The following SRRM4 variants were observed in gnomAD, a reference collection of about 807,000 sequenced individuals.
SRRM4 encodes serine/arginine repetitive matrix 4, also known as serine/arginine repetitive matrix protein 4.
SRRM4 carries 33 observed loss-of-function variants against 68.9 expected under a neutral mutation model. That is an observed-to-expected ratio of 0.48 (90% CI 0.36 to 0.64). SRRM4 has a LOEUF of 0.64. SRRM4 is among the 30% of genes least tolerant of loss of function. The pLI is 0.00. For synonymous variants in SRRM4, 318 were observed against 318.8 expected, an observed-to-expected ratio of 1.00 and a Z score of 0.03; for missense variants, 817 against 827.1, an observed-to-expected ratio of 0.99 and a Z score of 0.15.
chr12:118,988,102 A>G (rs1953293740), intron 1 of SRRM4, among the ~76,000 whole-genome samples: 1 of 151,706 alleles, frequency 6.6e-6, no homozygotes, highest in Admixed American at 6.6e-5. Context: ...ATGATAATGT[A>G]GGGAGAAATA....
At chr12:119,005,155 C>A (rs1403984001) in intron 1 of SRRM4, among the ~76,000 whole-genome samples, 1 of 152,208 alleles carries the variant, frequency 6.6e-6, no homozygotes, top group Admixed American at 6.5e-5. Flanking sequence ...CAGGAACAGA[C>A]TGCTTCTGGA....
chr12:119,139,949 C>T (rs1451367182), intron 8 of SRRM4, among the ~76,000 whole-genome samples: 1 of 152,040 alleles, frequency 6.6e-6, no homozygotes, highest in East Asian at 1.9e-4. Flanking sequence ...GTGATGTTTC[C>T]ATACAGGCAT....
At chr12:119,069,987 GCGGGGAGGTGTTAGGGGC>G (rs1953867823) in intron 1 of SRRM4, among the ~76,000 whole-genome samples, 1 of 152,260 alleles carries the variant, frequency 6.6e-6, no homozygotes, top group Admixed American at 6.5e-5. Context: ...GTTGTGAATT[GCGGGGAGGTGTTAGGGGC>G]CGGGGGCACT....
intron 1 of SRRM4, among the ~76,000 whole-genome samples, chr12:119,033,659 T>C (rs1018254784): frequency 8.4e-5 from 10 of 118,930 alleles, no homozygotes; most frequent in Non-Finnish European, 1.9e-5. Flanking sequence ...TGAGACTCCA[T>C]CTCAAAAAAA....
At chr12:118,982,111 G>A in intron 1 of SRRM4, 98 bp downstream of exon 1, 1 of 1,444,222 alleles carries the variant, frequency 6.9e-7, no homozygotes, top group South Asian at 1.4e-5. Flanking sequence ...CCGGGCCAGG[G>A]CGCCTGTCTT....
At chr12:119,129,315 A>C (rs558573972) in intron 7 of SRRM4, among the ~76,000 whole-genome samples, 25 of 152,346 alleles carry the variant, frequency 1.6e-4, no homozygotes, top group African/African-American at 6.0e-4. Flanking sequence ...AGATATGCAG[A>C]GTCTAAGCAT....
intron 5 of SRRM4, 60 bp downstream of exon 5, chr12:119,120,336 C>T: frequency 6.5e-7 from 1 of 1,542,102 alleles, no homozygotes; most frequent in Non-Finnish European, 8.8e-7. Flanking sequence ...CAGCTTGGGG[C>T]AGCTTCTAGG....
intron 9 of SRRM4, among the ~76,000 whole-genome samples, chr12:119,150,802 T>C (rs1296303463): frequency 5.9e-5 from 9 of 152,176 alleles, no homozygotes; most frequent in Admixed American, 5.9e-4. Flanking sequence ...CTTGAGGAAA[T>C]GCTAACCTGA....
chr12:119,155,053 C>T (rs2136070697), intron 12 of SRRM4, among the ~76,000 whole-genome samples: 1 of 152,310 alleles, frequency 6.6e-6, no homozygotes, highest in South Asian at 2.1e-4. Flanking sequence ...GAAGAAATAA[C>T]TCCCAGAAGC....
intron 1 of SRRM4, among the ~76,000 whole-genome samples, chr12:119,073,526 T>C (rs1421114153): frequency 1.3e-5 from 2 of 152,244 alleles, no homozygotes; most frequent in East Asian, 1.9e-4. Flanking sequence ...GGTTTAGCCA[T>C]GTTGGCTAGC....
At chr12:119,075,427 AATG>A (rs1235499126) in intron 1 of SRRM4, among the ~76,000 whole-genome samples, 1 of 112,726 alleles carries the variant, frequency 8.9e-6, no homozygotes, top group African/African-American at 3.6e-5. Flanking sequence ...TGATGACAGT[AATG>A]ATGATGATGG....
At chr12:119,031,154 G>A (rs1451973987) in intron 1 of SRRM4, 1 of 152,180 alleles carries the variant, frequency 6.6e-6, no homozygotes, top group Non-Finnish European at 1.5e-5. Flanking sequence ...TGAGCACTGG[G>A]TCTCATCTGA....
chr12:119,061,349 C>T (rs912967240), intron 1 of SRRM4, among the ~76,000 whole-genome samples: 2 of 152,130 alleles, frequency 1.3e-5, no homozygotes, highest in African/African-American at 4.8e-5. Context: ...GCAGAACTTC[C>T]GCTCAAATCC....
intron 6 of SRRM4, among the ~76,000 whole-genome samples, 164 bp downstream of exon 6, chr12:119,122,284 CAGGAAGGCAGGAAGGAAGGA>C (rs1206487557): frequency 2.7e-4 from 26 of 97,794 alleles, no homozygotes; most frequent in African/African-American, 7.6e-4. Context: ...GGCAGGAAGG[CAGGAAGGCAGGAAGGAAGGA>C]AGGAAGGAAG....
intron 1 of SRRM4, among the ~76,000 whole-genome samples, chr12:119,024,796 T>G (rs1953537467): frequency 6.6e-6 from 1 of 151,894 alleles, no homozygotes; most frequent in African/African-American, 2.4e-5. Context: ...ATGCTGGGAG[T>G]GAGTGTAACA....
At chr12:119,062,114 T>C (rs759546519) in intron 1 of SRRM4, among the ~76,000 whole-genome samples, 5 of 152,230 alleles carry the variant, frequency 3.3e-5, no homozygotes, top group Non-Finnish European at 7.3e-5. Flanking sequence ...CATGTTACTA[T>C]ACTGAATTCT....
chr12:119,155,793 C>T (rs906795008), intron 12 of SRRM4, among the ~76,000 whole-genome samples: 4 of 152,124 alleles, frequency 2.6e-5, no homozygotes, highest in Admixed American at 2.6e-4. Flanking sequence ...ATTTCTAAAC[C>T]CACTCCCTTG....
chr12:118,991,856 AT>A (rs1338307633), intron 1 of SRRM4: 28 of 152,332 alleles, frequency 1.8e-4, no homozygotes, highest in African/African-American at 6.5e-4. Flanking sequence ...AATGAGGACA[AT>A]ACAACCATAA....
At chr12:119,054,656 G>C (rs1365632777) in intron 1 of SRRM4, among the ~76,000 whole-genome samples, 1 of 152,122 alleles carries the variant, frequency 6.6e-6, no homozygotes, top group African/African-American at 2.4e-5. Flanking sequence ...AATAATAAAG[G>C]GGATGTATTG....
Sources: allele counts gnomAD v4.1 joint callset (sites outside exome capture counted in the v4.1 genomes callset), GRCh38; gene constraint gnomAD v4.1.1; transcripts MANE v1.5; gene names NCBI Gene and HGNC (gene_info 2026-07-23, HGNC 2026-07-21).